The following GBX1 variants were observed in gnomAD, a reference collection of about 807,000 sequenced individuals.
GBX1 encodes the protein gastrulation brain homeobox 1.
Under a neutral mutation model 22.9 loss-of-function variants are expected in GBX1, and 9 were observed. The observed-to-expected ratio is 0.39, with a 90% CI of 0.24 to 0.69. The LOEUF is 0.69. GBX1 is among the 30% of genes least tolerant of loss of function. The pLI is 0.43. For synonymous variants in GBX1, 203 were observed against 227.3 expected (o/e 0.89, Z 0.96); for missense variants, 494 against 509.2 (o/e 0.97, Z 0.29).
intron 1 of GBX1, among the ~76,000 whole-genome samples, chr7:151,161,566 A>G (rs895468101): frequency 6.6e-6 from 1 of 152,334 alleles, no homozygotes; most frequent in South Asian, 2.1e-4. Flanking sequence ...ATAGTATTAC[A>G]TTTGAAGTCA....
At chr7:151,154,133 G>A (rs1168974588) in intron 1 of GBX1, among the ~76,000 whole-genome samples, 3 of 152,098 alleles carry the variant, frequency 2.0e-5, no homozygotes, top group Non-Finnish European at 4.4e-5. Flanking sequence ...AGCTACTTTT[G>A]AGGCTGAGGC....
intron 1 of GBX1, chr7:151,149,763 C>G (rs1427103736): frequency 2.7e-6 from 1 of 368,142 alleles, no homozygotes; most frequent in Non-Finnish European, 5.4e-6. Context: ...CCTCCTCTCC[C>G]TCTTCCCTAG....
At chr7:151,152,145 A>G (rs1056321599) in intron 1 of GBX1, among the ~76,000 whole-genome samples, 1 of 152,228 alleles carries the variant, frequency 6.6e-6, no homozygotes, top group Non-Finnish European at 1.5e-5. Context: ...CTGACACTCA[A>G]TACAGAGTAG....
chr7:151,167,031 T>C lies in GBX1; in HGVS notation c.518A>G (p.Glu173Gly). The change falls in exon 1 of 2, where the codon GAG (glutamate) becomes GGG (glycine). Residue 173 changes from glutamate to glycine, a missense_variant. Physicochemically the swap from Glu to Gly is moderately conservative, Grantham distance 98 (BLOSUM62 -2). This residue lies in a region of GBX1 where 365 missense variants were observed against 340.4 expected (regional missense o/e 1.07). Transcript: ENST00000297537. The surrounding 1 kb of genome is among the most constrained non-coding windows in gnomAD (Gnocchi z 5.9). ...CTTACCGGGCAGACTTGGAAAAGTCTCTGAGAAGTGCGGAGGCGGAGGTGG... is the reference window on the plus strand; with the variant it reads ...CTTACCGGGCAGACTTGGAAAAGTCCCTGAGAAGTGCGGAGGCGGAGGTGG... ...PPPPPPPHFS[E>G]TFPSLPAEGK... 3 of 1,603,158 alleles carry C rather than the reference T, an allele frequency of 1.9e-6. No individual in the cohort carries two copies.
At chr7:151,153,991 A>C (rs1801107515) in intron 1 of GBX1, among the ~76,000 whole-genome samples, 1 of 152,238 alleles carries the variant, frequency 6.6e-6, no homozygotes, top group Non-Finnish European at 1.5e-5. Flanking sequence ...TAATCCCAGC[A>C]CTTTGGGAGA....
intron 1 of GBX1, among the ~76,000 whole-genome samples, chr7:151,153,921 C>T (rs1260515273): frequency 6.6e-6 from 1 of 151,936 alleles, no homozygotes; most frequent in Non-Finnish European, 1.5e-5. Context: ...AATAACTGGA[C>T]TTGGTAGATA....
rs1410573868 is a variant in GBX1, at chr7:151,148,516, C to T, written c.*73G>A. 14 of 1,421,802 alleles carry T rather than the reference C, an allele frequency of 9.8e-6. No homozygotes were observed. In the East Asian group the frequency reaches 3.2e-4, roughly 33 times the overall value. 88.1% of individuals were successfully genotyped at this position (1,421,802 alleles called of 1,614,324 possible). On this transcript the variant is annotated 3_prime_UTR_variant, in exon 2 of 2. Transcript: ENST00000297537. The surrounding 1 kb of genome is among the most constrained non-coding windows in gnomAD (Gnocchi z 5.1). ...GAATCACAGTTGCAGCCCCTCTGGT[C>T]CACAGAACCCTGACAGTCTCAGAGC...
intron 1 of GBX1, among the ~76,000 whole-genome samples, chr7:151,154,861 G>A (rs977301726): frequency 6.6e-6 from 1 of 152,180 alleles, no homozygotes; most frequent in Non-Finnish European, 1.5e-5. Context: ...AGAATCCATA[G>A]TAGGTGTTCT....
Position 151,148,796 on chromosome 7 carries a change from G to A in GBX1, c.885C>T (p.Ala295=), listed in dbSNP as rs1402192871. 16 of 1,614,152 alleles carry A rather than the reference G, an allele frequency of 9.9e-6. No individual in the cohort carries two copies. The highest frequency in any genetic ancestry group is 1.6e-4 in the Middle Eastern group (1 of 6,062). The change falls in exon 2 of 2, where the codon GCC becomes GCT. Residue 295 remains alanine (A), a synonymous_variant. Transcript: ENST00000297537. The surrounding 1 kb of genome is among the most constrained non-coding windows in gnomAD (Gnocchi z 5.1). ...YLSLTERSQI[A]HALKLSEVQV... is the part of the protein sequence containing the mutation. ...GCACCTCACTGAGCTTGAGGGCGTG[G>A]GCGATCTGAGAGCGCTCTGTCAAGC...
At chr7:151,150,835 G>A (rs1402386840) in intron 1 of GBX1, among the ~76,000 whole-genome samples, 3 of 152,036 alleles carry the variant, frequency 2.0e-5, no homozygotes. Flanking sequence ...CAGGCTCAAG[G>A]GATCCTCCAC....
intron 1 of GBX1, among the ~76,000 whole-genome samples, chr7:151,164,043 TAAAA>T (rs148650169): frequency 6.6e-6 from 1 of 151,794 alleles, no homozygotes; most frequent in Non-Finnish European, 1.5e-5. Flanking sequence ...CTCAACAAAT[TAAAA>T]AAAATAGTCC....
At chr7:151,162,692 G>A (rs928257118) in intron 1 of GBX1, among the ~76,000 whole-genome samples, 2 of 151,988 alleles carry the variant, frequency 1.3e-5, no homozygotes, top group Admixed American at 6.6e-5. Flanking sequence ...AATATATATG[G>A]AGTAGCTACC....
intron 1 of GBX1, among the ~76,000 whole-genome samples, chr7:151,153,753 G>A (rs1801104804): frequency 1.3e-5 from 2 of 151,636 alleles, no homozygotes; most frequent in Admixed American, 1.3e-4. Context: ...TGCAGTGTTG[G>A]GGTCCTACTA....
chr7:151,150,585 C>T (rs1349105085), intron 1 of GBX1, among the ~76,000 whole-genome samples: 1 of 152,174 alleles, frequency 6.6e-6, no homozygotes, highest in African/African-American at 2.4e-5. Flanking sequence ...GATAGAACAT[C>T]TCCTGGCAGT....
intron 1 of GBX1, among the ~76,000 whole-genome samples, chr7:151,166,482 C>A (rs1174561752): frequency 8.0e-5 from 10 of 124,984 alleles, no homozygotes; most frequent in African/African-American, 2.9e-4. Flanking sequence ...CAACCCCCCC[C>A]CCCCAACACA....
At chr7:151,162,424 C>T (rs1457438846) in intron 1 of GBX1, among the ~76,000 whole-genome samples, 1 of 152,094 alleles carries the variant, frequency 6.6e-6, no homozygotes, top group African/African-American at 2.4e-5. Flanking sequence ...CACTTGAATA[C>T]GAGGCTCCTA....
Position 151,167,694 on chromosome 7 carries a change from T to A in GBX1, c.-146A>T. 1.3e-6 allele frequency: 1 copy of A among 795,228 alleles called. No individual in the cohort carries two copies. The highest frequency in any genetic ancestry group is 1.6e-6 in the Non-Finnish European group (1 of 637,554). 49.3% of individuals were successfully genotyped at this position (795,228 alleles called of 1,614,324 possible). ...GGCGGGGCGCGGGCTCGGCGCAGTG[T>A]GGCTCCGGCGCCGCGCTCCCTCTCT... On this transcript the variant is annotated 5_prime_UTR_variant, in exon 1 of 2. Coordinates refer to ENST00000297537, the MANE Select transcript of GBX1 (RefSeq NM_001098834.3). The surrounding 1 kb of genome is among the most constrained non-coding windows in gnomAD (Gnocchi z 5.9).
At position 151,149,110 on chromosome 7, in the gene GBX1, TCTC is replaced by T. The variant is rs776383074; in HGVS notation, c.568_570del (p.Glu190del). The T allele has an allele frequency of 8.1e-6, 13 of 1,610,022 alleles. No individual in the cohort carries two copies. The highest frequency in any genetic ancestry group is 2.2e-5 in the East Asian group (1 of 44,868). On this transcript the variant is annotated inframe_deletion, in exon 2 of 2. Coordinates refer to ENST00000297537, the MANE Select transcript of GBX1 (RefSeq NM_001098834.3). The stretch of plus-strand genomic sequence containing the variant: ...GGGTCTCCTGCTGATGCCTCCAGCT[TCTC>T]CTCATCTGAGCTGTACACCTTCCCC...
At chr7:151,165,722 C>A (rs966256469) in intron 1 of GBX1, among the ~76,000 whole-genome samples, 1 of 152,126 alleles carries the variant, frequency 6.6e-6, no homozygotes, top group African/African-American at 2.4e-5. Flanking sequence ...GCTGAATCCC[C>A]AAAAGCAAAA....
Sources: allele counts gnomAD v4.1 joint callset (sites outside exome capture counted in the v4.1 genomes callset), GRCh38; gene constraint gnomAD v4.1.1; regional missense constraint gnomAD v4.1.1; non-coding constraint Gnocchi (gnomAD v3.1); transcripts MANE v1.5; gene names NCBI Gene and HGNC (gene_info 2026-07-23, HGNC 2026-07-21).